The following LDHB variants were observed in gnomAD, a reference collection of about 807,000 sequenced individuals.
LDHB encodes the protein lactate dehydrogenase B, also known as L-lactate dehydrogenase B chain.
In LDHB, 18 loss-of-function variants were observed where a neutral mutation model predicts 33.4. That is an observed-to-expected ratio of 0.54 (90% CI 0.37 to 0.80). The LOEUF is 0.80. LDHB is among the 30% of genes least tolerant of loss of function. The probability of loss-of-function intolerance (pLI) is 0.00; values close to 1 mark genes in which losing one functional copy is unlikely to be tolerated. For synonymous variants in LDHB, 121 were observed against 140.6 expected (o/e 0.86, Z 0.98); for missense variants, 345 against 407.9 (o/e 0.85, Z 1.33).
rs1441689217 is a variant in LDHB at position 21,656,613 on chromosome 12, T to C, written c.-7+1138A>G. On this transcript the variant is annotated intron_variant, in intron 1 of 7. Transcript: ENST00000350669. ...CGTTGTTCTGATAGACCTTTTAATT[T>C]AGAAAACTTCAGGAAGTACAATTTA... is the stretch of plus-strand genomic sequence containing the variant. Among the ~76,000 whole-genome samples, 4 of 152,240 alleles carry C rather than the reference T, an allele frequency of 2.6e-5. No individual in the cohort carries two copies. The East Asian group carries it at 7.7e-4, about 29-fold the overall frequency.
intron 6 of LDHB, among the ~76,000 whole-genome samples, chr12:21,637,744 AT>A (rs1429576175): frequency 7.2e-5 from 11 of 152,060 alleles, no homozygotes; most frequent in Non-Finnish European, 1.0e-4. Context: ...ATTTAATGCA[AT>A]TGACACCCAA....
intron 2 of LDHB, 127 bp from the exon 3 acceptor site, chr12:21,647,143 C>T (rs924393299): frequency 1.1e-5 from 7 of 664,706 alleles, no homozygotes; most frequent in East Asian, 2.6e-5. Flanking sequence ...AGAATTTTAC[C>T]ATGGAGTTAG....
chr12:21,653,235 T>C (rs571941596), intron 2 of LDHB, among the ~76,000 whole-genome samples: 1 of 152,294 alleles, frequency 6.6e-6, no homozygotes, highest in Non-Finnish European at 1.5e-5. Flanking sequence ...GATAATAGAA[T>C]GGTATTAGTG....
intron 2 of LDHB, among the ~76,000 whole-genome samples, chr12:21,652,043 T>C (rs1273214629): frequency 6.6e-6 from 1 of 152,198 alleles, no homozygotes. Flanking sequence ...TGAGCCAAAG[T>C]GTTATATAAC....
intron 5 of LDHB, among the ~76,000 whole-genome samples, chr12:21,640,488 A>G (rs1938345907): frequency 6.6e-6 from 1 of 152,074 alleles, no homozygotes; most frequent in South Asian, 2.1e-4. Context: ...ATTGATAGTT[A>G]TAATTAATAG....
At chr12:21,649,874 C>G (rs1462032673) in intron 2 of LDHB, among the ~76,000 whole-genome samples, 1 of 151,946 alleles carries the variant, frequency 6.6e-6, no homozygotes, top group Non-Finnish European at 1.5e-5. Flanking sequence ...GGCAGATCAC[C>G]TGAGGTCAGG....
At chr12:21,655,809 T>G (rs1434691681) in intron 1 of LDHB, among the ~76,000 whole-genome samples, 15 of 152,192 alleles carry the variant, frequency 9.9e-5, no homozygotes. Flanking sequence ...TGCCATCAGA[T>G]AACCAGATGT....
intron 4 of LDHB, among the ~76,000 whole-genome samples, chr12:21,642,984 C>T (rs1938413155): frequency 6.6e-6 from 1 of 152,188 alleles, no homozygotes; most frequent in Admixed American, 6.5e-5. Flanking sequence ...GCACAGGATG[C>T]AGTAACTTAC....
At chr12:21,638,594 ATAAG>A (rs1938281653) in intron 5 of LDHB, 124 bp from the exon 6 acceptor site, 1 of 700,148 alleles carries the variant, frequency 1.4e-6, no homozygotes, top group African/African-American at 1.8e-5. Flanking sequence ...AACTGCTCCA[ATAAG>A]TGACTCTCCA....
intron 1 of LDHB, among the ~76,000 whole-genome samples, chr12:21,655,181 A>G (rs1410988701): frequency 2.0e-5 from 3 of 152,250 alleles, no homozygotes; most frequent in Non-Finnish European, 4.4e-5. Flanking sequence ...ATTAAGGTAA[A>G]AACTTTCATG....
chr12:21,642,036 A>G lies in LDHB; in HGVS notation c.511T>C (p.Phe171Leu), dbSNP rs370642139. ...AGTTTTTCAGCCATAAGGTAGCGAA[A>G]TCTAGCAGAATCCAGATTACATCCA... ...GSGCNLDSAR[F>L]RYLMAEKLGI... The change falls in exon 5 of 8, where the codon TTT becomes CTT. Residue 171 changes from phenylalanine to leucine, a missense_variant. By Grantham distance (22) the Phe-to-Leu change is conservative (BLOSUM62 0). Coordinates refer to ENST00000350669, the MANE Select transcript of LDHB (RefSeq NM_002300.8). 21 of 1,613,592 alleles carry G rather than the reference A, an allele frequency of 1.3e-5. No individual in the cohort carries two copies. The highest frequency in any genetic ancestry group is 1.7e-5 in the Non-Finnish European group (20 of 1,179,752).
At position 21,650,135 on chromosome 12, in the gene LDHB, C is replaced by T. The variant is rs1330922071; in HGVS notation, c.130-3119G>A. Among the ~76,000 whole-genome samples the T allele has an allele frequency of 6.0e-3, 892 of 148,408 alleles. 25 individuals are homozygous for T. Among genetic ancestry groups the T allele is most frequent in the Middle Eastern group, 0.017 (5 of 286 alleles). Reference sequence around the variant, plus strand: ...ACACACACACACACACACACACACACACACACACACACACACGTCTCTCTC... The same window carrying T: ...ACACACACACACACACACACACACATACACACACACACACACGTCTCTCTC... On this transcript the variant is annotated intron_variant, in intron 2 of 7. Coordinates refer to ENST00000350669, the MANE Select transcript of LDHB (RefSeq NM_002300.8).
intron 3 of LDHB, among the ~76,000 whole-genome samples, chr12:21,645,337 GACTGTGGGAA>G (rs1938491803): frequency 6.6e-6 from 1 of 152,072 alleles, no homozygotes. Flanking sequence ...GGAAAGACCT[GACTGTGGGAA>G]GGGAAAGACC....
chr12:21,637,157 A>T lies in LDHB; in HGVS notation c.751T>A (p.Trp251Arg). The part of the protein sequence containing the change: ...EVIKLKGYTN[W>R]AIGLSVADLI... ...TCAGCCACACTTAATCCAATAGCCC[A>T]GTTGGTATATCCTTTTAGCTTGATG... The change falls in exon 7 of 8, where the codon TGG (tryptophan) becomes AGG (arginine). Residue 251 changes from tryptophan (W) to arginine (R), a missense_variant. Transcript: ENST00000350669. The T allele has an allele frequency of 6.2e-7, 1 of 1,603,088 alleles. No individual in the cohort carries two copies. Among genetic ancestry groups the T allele is most frequent in the Non-Finnish European group, 8.5e-7 (1 of 1,170,800 alleles).
chr12:21,647,417 T>A (rs1938556552), intron 2 of LDHB, among the ~76,000 whole-genome samples: 2 of 152,022 alleles, frequency 1.3e-5, no homozygotes, highest in African/African-American at 4.8e-5. Context: ...TGAGTTTACT[T>A]TAGAGTAGGA....
intron 5 of LDHB, among the ~76,000 whole-genome samples, chr12:21,640,915 T>C (rs1272140766): frequency 6.6e-6 from 1 of 151,734 alleles, no homozygotes; most frequent in African/African-American, 2.4e-5. Flanking sequence ...ACACAATATT[T>C]TGGGCATGAG....
chr12:21,655,089 C>T (rs1041243953), intron 1 of LDHB, among the ~76,000 whole-genome samples: 1 of 151,538 alleles, frequency 6.6e-6, no homozygotes, highest in Non-Finnish European at 1.5e-5. Context: ...CCACTGCACC[C>T]CAGCCTGGCA....
At chr12:21,639,981 A>G (rs371934347) in intron 5 of LDHB, among the ~76,000 whole-genome samples, 3 of 152,050 alleles carry the variant, frequency 2.0e-5, no homozygotes, top group Non-Finnish European at 4.4e-5. Context: ...CTAAAATTGC[A>G]TTTCAAACTC....
chr12:21,641,732 T>C (rs565126143), intron 5 of LDHB, among the ~76,000 whole-genome samples: 3 of 152,250 alleles, frequency 2.0e-5, no homozygotes, highest in Non-Finnish European at 2.9e-5. Context: ...AGGGAATTGA[T>C]TTATGCTTAA....
Sources: allele counts gnomAD v4.1 joint callset (sites outside exome capture counted in the v4.1 genomes callset), GRCh38; gene constraint gnomAD v4.1.1; transcripts MANE v1.5; gene names NCBI Gene and HGNC (gene_info 2026-07-23, HGNC 2026-07-21).